BABAM2: variants seen among roughly 807,000 people sequenced by gnomAD.
BABAM2 encodes the protein BRISC and BRCA1 A complex member 2, also known as BRISC and BRCA1-A complex member 2.
In BABAM2, 31 loss-of-function variants were observed where a neutral mutation model predicts 54.7. The observed-to-expected ratio is 0.57, with a 90% CI of 0.43 to 0.77. The LOEUF is 0.77. Ranked by LOEUF, BABAM2 falls within the 30% of genes least tolerant of loss-of-function variation. BABAM2 has a pLI of 0.00. For missense variants in BABAM2, 364 were observed against 455.8 expected, an observed-to-expected ratio of 0.80 and a Z score of 1.83; for synonymous variants, 167 against 162.9, an observed-to-expected ratio of 1.03 and a Z score of -0.19.
At chr2:28,181,941 G>A (rs978957503) in intron 7 of BABAM2, among the ~76,000 whole-genome samples, 20 of 152,110 alleles carry the variant, frequency 1.3e-4, no homozygotes, top group Non-Finnish European at 2.1e-4. Flanking sequence ...GTCAGAGTGA[G>A]CCATGAGGAT....
intron 3 of BABAM2, 48 bp from the exon 4 acceptor site, chr2:27,987,945 A>G: frequency 1.3e-6 from 2 of 1,501,080 alleles, no homozygotes; most frequent in Non-Finnish European, 1.9e-6. Flanking sequence ...CAGAATATTC[A>G]TACTTAGAAA....
chr2:28,248,109 A>G (rs535398100), intron 10 of BABAM2, among the ~76,000 whole-genome samples: 14 of 152,124 alleles, frequency 9.2e-5, no homozygotes, highest in African/African-American at 2.9e-4. Context: ...AGAATTATTC[A>G]TAGCAGTTGT....
chr2:28,127,344 G>A (rs1027757808), intron 6 of BABAM2, among the ~76,000 whole-genome samples: 3 of 152,160 alleles, frequency 2.0e-5, no homozygotes, highest in Non-Finnish European at 4.4e-5. Context: ...TAAGAAAAGG[G>A]CAGAGAAGCA....
intron 7 of BABAM2, among the ~76,000 whole-genome samples, chr2:28,136,102 T>G (rs1189582037): frequency 2.0e-5 from 3 of 152,216 alleles, no homozygotes; most frequent in Non-Finnish European, 2.9e-5. Flanking sequence ...CAAGCAGAAT[T>G]TTGTGATTTC....
At chr2:28,333,121 A>G (rs979141319) in intron 11 of BABAM2, among the ~76,000 whole-genome samples, 3 of 151,862 alleles carry the variant, frequency 2.0e-5, no homozygotes, top group Non-Finnish European at 2.9e-5. Context: ...GTTGACATCT[A>G]TTGATCATCT....
chr2:27,908,647 A>G (rs1226009908), intron 2 of BABAM2, among the ~76,000 whole-genome samples: 1 of 151,998 alleles, frequency 6.6e-6, no homozygotes, highest in African/African-American at 2.4e-5. Flanking sequence ...TATTGTTCCC[A>G]TGTTTAGGTC....
In BABAM2 at chr2:27,931,254, T is replaced by C. The variant is rs562637037; in HGVS notation, c.205+1346T>C. Among the ~76,000 whole-genome samples, 110 of 152,228 alleles carry C rather than the reference T, an allele frequency of 7.2e-4. 1 individual carries two copies. The highest frequency in any genetic ancestry group is 1.2e-3 in the Non-Finnish European group (82 of 67,996). On this transcript the variant is annotated intron_variant, in intron 3 of 11. Coordinates refer to ENST00000379624, the MANE Select transcript of BABAM2 (RefSeq NM_199191.3). The stretch of plus-strand genomic sequence containing the variant: ...AATTATTAACTAAATTTAAAAGAAA[T>C]GATCAAAGTAAATAATTCATGTGGT...
At chr2:28,055,142 C>G (rs1678298879) in intron 6 of BABAM2, among the ~76,000 whole-genome samples, 2 of 152,102 alleles carry the variant, frequency 1.3e-5, no homozygotes, top group African/African-American at 2.4e-5. Context: ...GGTCATTATC[C>G]TAAGGAAACT....
chr2:28,248,207 CT>C (rs780563394), intron 10 of BABAM2, among the ~76,000 whole-genome samples: 5,811 of 54,438 alleles, frequency 0.11, 242 homozygotes, highest in African/African-American at 0.19. Context: ...TTTTCTTTTT[CT>C]TTTTTTTTTT....
intron 5 of BABAM2, among the ~76,000 whole-genome samples, chr2:28,039,473 C>T (rs1178518607): frequency 2.0e-5 from 3 of 152,248 alleles, no homozygotes; most frequent in African/African-American, 4.8e-5. Context: ...CACTGGTTTT[C>T]AGAGTCCATT....
At chr2:28,297,223 G>A (rs1454905768) in intron 10 of BABAM2, among the ~76,000 whole-genome samples, 1 of 152,130 alleles carries the variant, frequency 6.6e-6, no homozygotes, top group Non-Finnish European at 1.5e-5. Flanking sequence ...ACTATGACAT[G>A]AGCAAGTTAA....
rs551686422 is a variant in BABAM2 at position 28,192,224 on chromosome 2, C to T, written c.681-44978C>T. Among the ~76,000 whole-genome samples the T allele has an allele frequency of 4.6e-5, 7 of 151,892 alleles. No homozygotes were observed. In the East Asian group the frequency reaches 7.8e-4, roughly 17 times the overall value. Reference sequence around the variant, plus strand: ...TAATTTTTTGTATTTTTAGTAGAGACGGGGTTTCACCATGTTAGCCAGGAT... The same window carrying T: ...TAATTTTTTGTATTTTTAGTAGAGATGGGGTTTCACCATGTTAGCCAGGAT... On this transcript the variant is annotated intron_variant, in intron 7 of 11. Transcript: ENST00000379624.
chr2:28,131,422 G>T (rs908130024), intron 7 of BABAM2, among the ~76,000 whole-genome samples: 3 of 151,552 alleles, frequency 2.0e-5, no homozygotes, highest in Admixed American at 6.6e-5. Context: ...ATTAGTAAGC[G>T]ATCAGTGGAT....
intron 7 of BABAM2, among the ~76,000 whole-genome samples, chr2:28,216,223 T>C (rs1479782542): frequency 6.6e-6 from 1 of 152,196 alleles, no homozygotes; most frequent in African/African-American, 2.4e-5. Context: ...AGTGCAAATG[T>C]ACAGTATTTC....
chr2:27,907,437 A>G (rs948982098), intron 2 of BABAM2, among the ~76,000 whole-genome samples: 4 of 152,120 alleles, frequency 2.6e-5, no homozygotes, highest in African/African-American at 9.7e-5. Flanking sequence ...TTTTCATTTA[A>G]AAAACATTAT....
chr2:27,961,548 T>C (rs1371504467), intron 3 of BABAM2, among the ~76,000 whole-genome samples: 1 of 152,170 alleles, frequency 6.6e-6, no homozygotes. Flanking sequence ...AATGCATTTT[T>C]TACTTAACAA....
intron 4 of BABAM2, among the ~76,000 whole-genome samples, chr2:27,997,648 CAG>C (rs961923333): frequency 2.4e-4 from 37 of 152,216 alleles, no homozygotes; most frequent in African/African-American, 8.9e-4. Context: ...TGTAGAAAAA[CAG>C]AGCACCTTGA....
At chr2:27,980,093 C>T (rs1190994925) in intron 3 of BABAM2, among the ~76,000 whole-genome samples, 1 of 152,164 alleles carries the variant, frequency 6.6e-6, no homozygotes, top group Non-Finnish European at 1.5e-5. Flanking sequence ...CTGTTATAGC[C>T]TGGCAAGTTT....
At chr2:28,120,499 C>T (rs1573621224) in intron 6 of BABAM2, among the ~76,000 whole-genome samples, 2 of 152,150 alleles carry the variant, frequency 1.3e-5, no homozygotes, top group Non-Finnish European at 2.9e-5. Context: ...GTTCAAAACT[C>T]GTCTTCACCA....
Sources: allele counts gnomAD v4.1 joint callset (sites outside exome capture counted in the v4.1 genomes callset), GRCh38; gene constraint gnomAD v4.1.1; transcripts MANE v1.5; gene names NCBI Gene and HGNC (gene_info 2026-07-23, HGNC 2026-07-21).